NR4A3: variants seen among roughly 807,000 people sequenced by gnomAD.
The protein encoded by NR4A3 is nuclear receptor subfamily 4 group A member 3.
In NR4A3, 13 loss-of-function variants were observed where a neutral mutation model predicts 55.6. That is an observed-to-expected ratio of 0.23 (90% confidence interval 0.15 to 0.37). The LOEUF (loss-of-function observed/expected upper bound fraction) is 0.37, where lower values mean the gene tolerates loss of function less well. Among genes scored for constraint, NR4A3 ranks in the 10% least tolerant of loss-of-function variants. The pLI, the probability that NR4A3 is intolerant of heterozygous loss-of-function variation, is 1.00. For missense variants in NR4A3, 646 were observed against 822.8 expected, an observed-to-expected ratio of 0.79 and a Z score of 2.63; for synonymous variants, 342 against 357.9, an observed-to-expected ratio of 0.96 and a Z score of 0.50.
intron 7 of NR4A3, among the ~76,000 whole-genome samples, chr9:99,858,304 ATTTCACTCCATCACTCTCTC>A (rs1827960801): frequency 6.6e-6 from 1 of 152,032 alleles, no homozygotes; most frequent in Non-Finnish European, 1.5e-5. Context: ...TAGCTCTATT[ATTTCACTCCATCACTCTCTC>A]CCCCTGACTC....
chr9:99,829,893 G>GT (rs1177515718), intron 3 of NR4A3, among the ~76,000 whole-genome samples: 1 of 152,210 alleles, frequency 6.6e-6, no homozygotes, highest in Non-Finnish European at 1.5e-5. Context: ...TATGCAGGCT[G>GT]TAAGCAGTGA....
chr9:99,833,967 G>A (rs1013659903), intron 5 of NR4A3: 35 of 1,142,494 alleles, frequency 3.1e-5, no homozygotes, highest in South Asian at 1.9e-4. Context: ...GGGATGGAAC[G>A]CCACCTCTGC....
chr9:99,844,719 C>T lies in NR4A3; in HGVS notation c.1325C>T (p.Thr442Ile). ...EHVQQFYNLLTASIDVSRSWA... is the reference protein window; with the variant it reads ...EHVQQFYNLLIASIDVSRSWA... Reference sequence around the variant, plus strand: ...GTGCAACAATTCTACAACCTCCTGACAGCCTCCATTGATGTATCCAGAAGC... The same window carrying T: ...GTGCAACAATTCTACAACCTCCTGATAGCCTCCATTGATGTATCCAGAAGC... Residue 442 changes from threonine to isoleucine, a missense_variant, in exon 6 of 8, where the codon ACA becomes ATA. By Grantham distance (89) the Thr-to-Ile change is moderately conservative. Around this residue, in one of 5 missense-constraint regions of NR4A3, gnomAD observed 163 missense variants for 233.0 expected, o/e 0.70. Coordinates refer to ENST00000395097, the MANE Select transcript of NR4A3 (RefSeq NM_006981.4). 4 of 1,614,214 alleles carry T rather than the reference C, an allele frequency of 2.5e-6. No homozygotes were observed. The South Asian group carries it at 4.4e-5, about 18-fold the overall frequency.
chr9:99,855,527 G>A (rs1267148083), intron 7 of NR4A3, among the ~76,000 whole-genome samples: 1 of 152,140 alleles, frequency 6.6e-6, no homozygotes, highest in African/African-American at 2.4e-5. Flanking sequence ...CAAAGAGTCT[G>A]TGGTCTCACT....
At position 99,828,884 on chromosome 9, in the gene NR4A3, C is replaced by A; in HGVS notation, c.842C>A (p.Pro281His). ...LGESPSLPSPPSRSSSSGEGT... is the reference protein window; with the variant it reads ...LGESPSLPSPHSRSSSSGEGT... ...GAGAGTCCCAGCCTGCCGTCGCCGCCCAGCAGGAGCTCGTCGTCTGGCGAG... is the reference window on the plus strand; with the variant it reads ...GAGAGTCCCAGCCTGCCGTCGCCGCACAGCAGGAGCTCGTCGTCTGGCGAG... Residue 281 changes from proline (P) to histidine (H), a missense_variant, in exon 3 of 8, where the codon CCC becomes CAC. Around this residue, in one of 5 missense-constraint regions of NR4A3, gnomAD observed 426 missense variants for 429.4 expected, o/e 0.99. Coordinates refer to ENST00000395097, the MANE Select transcript of NR4A3 (RefSeq NM_006981.4). This position sits in a 1 kb window ranked among gnomAD's most constrained non-coding sequence, Gnocchi z 7.7. The A allele has an allele frequency of 6.6e-7, 1 of 1,506,736 alleles. No homozygotes were observed. Among genetic ancestry groups the A allele is most frequent in the East Asian group, 2.7e-5 (1 of 37,022 alleles). 93.3% of individuals were successfully genotyped at this position (1,506,736 alleles called of 1,614,324 possible).
intron 3 of NR4A3, among the ~76,000 whole-genome samples, chr9:99,831,314 T>A (rs1386937310): frequency 6.6e-6 from 1 of 152,204 alleles, no homozygotes; most frequent in African/African-American, 2.4e-5. Context: ...TTCCTACCCT[T>A]ACAGACTGCT....
rs1364347263 is a variant in NR4A3, at chr9:99,822,762, GGCGGCA to G, written c.-177+369_-177+374del. On this transcript the variant is annotated intron_variant, in intron 1 of 7. Transcript: ENST00000395097. This position sits in a 1 kb window ranked among gnomAD's most constrained non-coding sequence, Gnocchi z 4.9. Reference sequence around the variant, plus strand: ...TGATGCTCTCGGCGGCGGCGGCGGCGGCGGCAGCGGCAGCGGCAGGGAGTTGCAGCT... The same window carrying G: ...TGATGCTCTCGGCGGCGGCGGCGGCGGCGGCAGCGGCAGGGAGTTGCAGCT... 2.0e-5 allele frequency among the ~76,000 whole-genome samples: 3 copies of G among 152,088 alleles called. No homozygotes were observed. Among genetic ancestry groups the G allele is most frequent in the South Asian group, 4.1e-4 (2 of 4,824 alleles).
chr9:99,832,632 A>C, intron 3 of NR4A3, 57 bp from the exon 4 acceptor site: 1 of 1,391,282 alleles, frequency 7.2e-7, no homozygotes, highest in Non-Finnish European at 9.7e-7. Context: ...ACATCTTGTC[A>C]GGTCCTACCT....
chr9:99,827,917 A>AG, intron 2 of NR4A3, 124 bp from the exon 3 acceptor site: 1 of 1,156,268 alleles, frequency 8.6e-7, no homozygotes, highest in East Asian at 2.4e-5. Context: ...TGCTACCAGA[A>AG]GGAGGAGAGG....
At chr9:99,856,491 C>G (rs575980281) in intron 7 of NR4A3, among the ~76,000 whole-genome samples, 1 of 152,226 alleles carries the variant, frequency 6.6e-6, no homozygotes, top group East Asian at 1.9e-4. Flanking sequence ...TTGTGTGGCC[C>G]AGTTCCTAAC....
intron 7 of NR4A3, among the ~76,000 whole-genome samples, chr9:99,857,147 GCAAGGAA>G (rs1193895920): frequency 6.6e-6 from 1 of 152,138 alleles, no homozygotes; most frequent in Non-Finnish European, 1.5e-5. Context: ...AGATATAAAT[GCAAGGAA>G]CATCACAGAG....
chr9:99,825,487 G>A lies in NR4A3; in HGVS notation c.-176-172G>A, dbSNP rs1411126941. The stretch of plus-strand genomic sequence containing the variant: ...AGGCCGTGTGATGCTTCTTGCCCAG[G>A]GGGACTCCTGTACCATTAATCACCC... On this transcript the variant is annotated intron_variant, in intron 1 of 7. Coordinates refer to ENST00000395097, the MANE Select transcript of NR4A3 (RefSeq NM_006981.4). The surrounding 1 kb of genome is among the most constrained non-coding windows in gnomAD (Gnocchi z 5.0). Among the ~76,000 whole-genome samples, 1 of 152,138 alleles carries A rather than the reference G, an allele frequency of 6.6e-6. No homozygotes were observed.
At chr9:99,850,062 A>G (rs552111087) in intron 7 of NR4A3, among the ~76,000 whole-genome samples, 4 of 152,320 alleles carry the variant, frequency 2.6e-5, no homozygotes, top group African/African-American at 9.6e-5. Flanking sequence ...AAGTTTCAGA[A>G]AGGAAACAGC....
intron 5 of NR4A3, among the ~76,000 whole-genome samples, chr9:99,844,139 G>A (rs886783737): frequency 2.6e-5 from 4 of 152,076 alleles, no homozygotes; most frequent in Admixed American, 6.6e-5. Context: ...GAGAACCACT[G>A]GGTTAATTTA....
intron 5 of NR4A3, among the ~76,000 whole-genome samples, chr9:99,842,600 A>T (rs1026771341): frequency 6.6e-6 from 1 of 152,080 alleles, no homozygotes; most frequent in Non-Finnish European, 1.5e-5. Flanking sequence ...GCATGGTAGC[A>T]CACACCTGTA....
intron 2 of NR4A3, among the ~76,000 whole-genome samples, chr9:99,827,572 T>C (rs142706335): frequency 2.0e-5 from 3 of 152,188 alleles, no homozygotes; most frequent in Admixed American, 2.0e-4. Context: ...ACAGGGTAGT[T>C]TTTCTTGCCT....
chr9:99,828,415 G>A lies in NR4A3; in HGVS notation c.373G>A (p.Asp125Asn), dbSNP rs1344816696. Residue 125 changes from aspartate (D) to asparagine (N), a missense_variant, in exon 3 of 8, where the codon GAC becomes AAC. Around this residue, in one of 5 missense-constraint regions of NR4A3, gnomAD observed 426 missense variants for 429.4 expected, o/e 0.99. Transcript: ENST00000395097. This position sits in a 1 kb window ranked among gnomAD's most constrained non-coding sequence, Gnocchi z 7.7. ...CATTCCTCCAGCCTCCAGCCCGGAG[G>A]ACGAGGTGCTGCCCAGCACCTCCAT... is the stretch of plus-strand genomic sequence containing the variant. ...PSIPPASSPE[D>N]EVLPSTSMYF... 1.1e-5 allele frequency: 17 copies of A among 1,585,426 alleles called. No homozygotes were observed. Among genetic ancestry groups the A allele is most frequent in the Admixed American group, 1.7e-5 (1 of 58,426 alleles).
At chr9:99,860,788 A>G (rs546820395) in intron 7 of NR4A3, among the ~76,000 whole-genome samples, 1 of 152,354 alleles carries the variant, frequency 6.6e-6, no homozygotes, top group African/African-American at 2.4e-5. Flanking sequence ...TAGACCTTGT[A>G]GTTACCAGCC....
chr9:99,841,251 G>T (rs1827646177), intron 5 of NR4A3, among the ~76,000 whole-genome samples: 1 of 148,658 alleles, frequency 6.7e-6, no homozygotes, highest in Non-Finnish European at 1.5e-5. Flanking sequence ...AAAAAAAGGA[G>T]GAGGTAGTGG....
Sources: gnomAD v4.1 joint callset for allele counts (sites outside exome capture counted in the v4.1 genomes callset) on GRCh38, gnomAD v4.1.1 for gene constraint, gnomAD v4.1.1 regional missense constraint, Gnocchi (gnomAD v3.1) non-coding constraint, MANE v1.5 for transcripts, NCBI Gene and HGNC (gene_info 2026-07-23, HGNC 2026-07-21) for gene names.